Variants in NOD1 observed in about 807,000 individuals in gnomAD.
NOD1 encodes the protein nucleotide-binding oligomerization domain-containing protein 1.
Under a neutral mutation model 81.2 loss-of-function variants are expected in NOD1, and 70 were observed. The ratio of observed to expected loss-of-function variants is 0.86; its 90% CI spans 0.71 to 1.05. The LOEUF is 1.05. NOD1 is among the 50% of genes least tolerant of loss of function. The probability of loss-of-function intolerance (pLI) is 0.00; values close to 1 mark genes in which losing one functional copy is unlikely to be tolerated. For missense variants in NOD1, 1,233 were observed against 1,228.0 expected, an observed-to-expected ratio of 1.00 and a Z score of -0.06; for synonymous variants, 508 against 526.9, an observed-to-expected ratio of 0.96 and a Z score of 0.49.
At chr7:30,474,105 T>TA (rs1433522721) in intron 1 of NOD1, among the ~76,000 whole-genome samples, 10 of 152,146 alleles carry the variant, frequency 6.6e-5, no homozygotes. Flanking sequence ...TCCAGATAGG[T>TA]AGAGTTAGCC....
chr7:30,428,911 A>G (rs1400926708), intron 13 of NOD1, among the ~76,000 whole-genome samples: 1 of 152,228 alleles, frequency 6.6e-6, no homozygotes, highest in Non-Finnish European at 1.5e-5. Flanking sequence ...TCAAAGCAGA[A>G]AAAAGAAGTA....
chr7:30,457,593 A>G (rs1786516906), intron 3 of NOD1, among the ~76,000 whole-genome samples: 1 of 152,220 alleles, frequency 6.6e-6, no homozygotes, highest in Admixed American at 6.5e-5. Flanking sequence ...TATTATTACT[A>G]TAAAGCAAAA....
At chr7:30,476,650 G>A (rs1276246148) in intron 1 of NOD1, among the ~76,000 whole-genome samples, 1 of 152,172 alleles carries the variant, frequency 6.6e-6, no homozygotes. Context: ...ATATATATGT[G>A]GCAACAGAGA....
chr7:30,431,773 C>A (rs1204312298), intron 12 of NOD1, among the ~76,000 whole-genome samples: 1 of 151,938 alleles, frequency 6.6e-6, no homozygotes, highest in East Asian at 1.9e-4. Flanking sequence ...GCACAAGCAA[C>A]CAAAGAAAAA....
intron 1 of NOD1, among the ~76,000 whole-genome samples, chr7:30,466,117 G>A (rs1562713119): frequency 6.6e-6 from 1 of 152,214 alleles, no homozygotes; most frequent in Non-Finnish European, 1.5e-5. Flanking sequence ...TGGCTTCTAG[G>A]ATATAACTTT....
chr7:30,429,301 GTGCCT>G, intron 13 of NOD1, 68 bp downstream of exon 13: 1 of 1,293,032 alleles, frequency 7.7e-7, no homozygotes, highest in Admixed American at 1.7e-5. Flanking sequence ...ACCCTGCGTT[GTGCCT>G]TGCACAGTCA....
Position 30,459,191 on chromosome 7 carries a change from T to C in NOD1, c.-161A>G, listed in dbSNP as rs1159449822. ...GGCATCATTCTTTGAAGTTAGAATA[T>C]TTTAAAACAACATTGTTTAAATCTT... is the stretch of plus-strand genomic sequence containing the variant. On this transcript the variant is annotated 5_prime_UTR_variant, in exon 3 of 14. Transcript: ENST00000222823. 1 of 152,652 alleles carries C rather than the reference T, an allele frequency of 6.6e-6. No homozygotes were observed. Among genetic ancestry groups the C allele is most frequent in the Non-Finnish European group, 1.5e-5 (1 of 68,046 alleles). The allele number at this position is 152,652 out of a possible 1,614,324, so 9.5% of individuals were successfully genotyped here. A position where few individuals can be genotyped will look rare whatever the true frequency, so the allele number is the denominator to read the frequency against.
At chr7:30,469,556 C>T (rs1357599893) in intron 1 of NOD1, among the ~76,000 whole-genome samples, 3 of 152,212 alleles carry the variant, frequency 2.0e-5, no homozygotes, top group Non-Finnish European at 4.4e-5. Flanking sequence ...CACAGTGGAA[C>T]GCATACATCC....
chr7:30,470,029 G>C (rs2952803), intron 1 of NOD1, among the ~76,000 whole-genome samples: 3 of 152,186 alleles, frequency 2.0e-5, no homozygotes, highest in Non-Finnish European at 4.4e-5. Flanking sequence ...CTCAGAGGGC[G>C]TGCAACTTTG....
At chr7:30,445,005 G>A (rs1479654320) in intron 9 of NOD1, among the ~76,000 whole-genome samples, 72 of 16,008 alleles carry the variant, frequency 4.5e-3, no homozygotes, top group South Asian at 0.016. Context: ...GTAAACTATC[G>A]CAAGAACAAA....
In NOD1 at chr7:30,425,659, C is replaced by T. The variant is rs895373799; in HGVS notation, c.2841G>A (p.Glu947=). 6.2e-7 allele frequency: 1 copy of T among 1,613,658 alleles called. No individual in the cohort carries two copies. Residue 947 remains glutamate (E), a synonymous_variant, in exon 14 of 14, where the codon GAG becomes GAA. Transcript: ENST00000222823. ...KPEEAKVYED[E]KRIICF ...CCTCTCAGAAACAGATAATCCGCTT[C>T]TCATCTTCATAGACTTTGGCCTCCT...
rs1411351306 is a variant in NOD1, at chr7:30,451,228, A to C, written c.2189T>G (p.Leu730Arg). Residue 730 changes from leucine to arginine, a missense_variant, in exon 6 of 14, where the codon CTC becomes CGC. By Grantham distance (102) the Leu-to-Arg change is moderately radical. Coordinates refer to ENST00000222823, the MANE Select transcript of NOD1 (RefSeq NM_006092.4). This position sits in a 1 kb window ranked among gnomAD's most constrained non-coding sequence, Gnocchi z 4.2. Reference sequence around the variant, plus strand: ...CTGGCAGCCTCACCTGAGAACAGTGAGGCGGCTGAAGCAGGGCTGCAGCTC... The same window carrying C: ...CTGGCAGCCTCACCTGAGAACAGTGCGGCGGCTGAAGCAGGGCTGCAGCTC... ...VRELQPCFSR[L>R]TVLRLSVNQI... 1 of 1,612,952 alleles carries C rather than the reference A, an allele frequency of 6.2e-7. No homozygotes were observed. Among genetic ancestry groups the C allele is most frequent in the East Asian group, 2.2e-5 (1 of 44,874 alleles).
chr7:30,457,335 C>T (rs547883004), intron 3 of NOD1, among the ~76,000 whole-genome samples: 2 of 152,188 alleles, frequency 1.3e-5, no homozygotes, highest in South Asian at 4.2e-4. Context: ...CCTGTAGTCC[C>T]AGCTATTGGG....
At chr7:30,475,261 CCCTAA>C (rs1377523827) in intron 1 of NOD1, among the ~76,000 whole-genome samples, 1 of 152,186 alleles carries the variant, frequency 6.6e-6, no homozygotes, top group Non-Finnish European at 1.5e-5. Context: ...CCAATTCTGA[CCCTAA>C]CCTGTATGGT....
intron 1 of NOD1, among the ~76,000 whole-genome samples, chr7:30,463,286 A>T (rs1466815834): frequency 6.6e-6 from 1 of 152,214 alleles, no homozygotes; most frequent in Admixed American, 6.5e-5. Flanking sequence ...TTTTAAGGAA[A>T]GGCAAAATAA....
At chr7:30,468,574 A>G (rs1787941159) in intron 1 of NOD1, among the ~76,000 whole-genome samples, 1 of 152,228 alleles carries the variant, frequency 6.6e-6, no homozygotes, top group Admixed American at 6.5e-5. Flanking sequence ...CATCCTGGAC[A>G]ATAGGAATAG....
chr7:30,455,052 C>T, intron 5 of NOD1, 85 bp downstream of exon 5: 4 of 1,305,814 alleles, frequency 3.1e-6, no homozygotes, highest in Admixed American at 4.1e-5. Context: ...CCTGAGGTGG[C>T]ACTCAGGGCT....
chr7:30,461,020 G>GGTCTCCTTTTTCCCT (rs1378063757), intron 1 of NOD1, among the ~76,000 whole-genome samples: 1 of 152,220 alleles, frequency 6.6e-6, no homozygotes, highest in Non-Finnish European at 1.5e-5. Context: ...GAGCAGCTCT[G>GGTCTCCTTTTTCCCT]TTGAATTGAA....
chr7:30,477,175 C>A (rs748204750), intron 1 of NOD1, among the ~76,000 whole-genome samples: 4 of 152,182 alleles, frequency 2.6e-5, no homozygotes, highest in Non-Finnish European at 4.4e-5. Flanking sequence ...CTTATTTCTC[C>A]ACTCCACAAA....
Sources: allele counts gnomAD v4.1 joint callset (sites outside exome capture counted in the v4.1 genomes callset), GRCh38; gene constraint gnomAD v4.1.1; non-coding constraint Gnocchi (gnomAD v3.1); transcripts MANE v1.5; gene names NCBI Gene and HGNC (gene_info 2026-07-23, HGNC 2026-07-21).